Variants in SPATA1 observed in about 807,000 individuals in gnomAD.
The protein encoded by SPATA1 is spermatogenesis-associated protein 1.
Under a neutral mutation model 59.6 loss-of-function variants are expected in SPATA1, and 57 were observed. That is an observed-to-expected ratio of 0.96 (90% CI 0.77 to 1.19). The LOEUF (loss-of-function observed/expected upper bound fraction) is 1.19. SPATA1 is among the 50% of genes most tolerant of loss of function. The pLI, the probability that SPATA1 is intolerant of heterozygous loss-of-function variation, is 0.00. For synonymous variants in SPATA1, 147 were observed against 163.9 expected (o/e 0.90, Z 0.79); for missense variants, 448 against 480.7 (o/e 0.93, Z 0.64).
At chr1:84,531,778 C>T (rs1245278763) in intron 6 of SPATA1, among the ~76,000 whole-genome samples, 2 of 151,710 alleles carry the variant, frequency 1.3e-5, no homozygotes, top group African/African-American at 4.8e-5. Flanking sequence ...CCAGGCTGGT[C>T]TTGAACTACT....
chr1:84,555,183 A>C (rs1202775782), downstream of SPATA1: 1 of 1,613,166 alleles, frequency 6.2e-7, no homozygotes, highest in African/African-American at 1.3e-5. Context: ...TACTTGATGA[A>C]AGTGGCCAGC....
chr1:84,564,906 G>A (rs1684663385), intron 4 of SPATA1, among the ~76,000 whole-genome samples: 1 of 151,972 alleles, frequency 6.6e-6, no homozygotes, highest in Non-Finnish European at 1.5e-5. Flanking sequence ...GGGCATGGTG[G>A]TGCATGCCTG....
intron 10 of SPATA1, among the ~76,000 whole-genome samples, chr1:84,545,967 A>G (rs1558611049): frequency 6.6e-6 from 1 of 152,214 alleles, no homozygotes; most frequent in Admixed American, 6.5e-5. Context: ...AGGGTTTAAA[A>G]TTAAAACTCA....
At chr1:84,522,961 A>G (rs1337803069) in intron 4 of SPATA1, among the ~76,000 whole-genome samples, 1 of 149,608 alleles carries the variant, frequency 6.7e-6, no homozygotes, top group Non-Finnish European at 1.5e-5. Context: ...CCCTGGCTAG[A>G]GTGCTGTAGT....
At chr1:84,561,984 T>C (rs1684604625) in intron 4 of SPATA1, among the ~76,000 whole-genome samples, 1 of 152,236 alleles carries the variant, frequency 6.6e-6, no homozygotes, top group Non-Finnish European at 1.5e-5. Context: ...GACTCTGCAA[T>C]ATCTCTAAGG....
intron 1 of SPATA1, among the ~76,000 whole-genome samples, chr1:84,514,243 C>T (rs954822655): frequency 1.3e-5 from 2 of 152,084 alleles, no homozygotes; most frequent in African/African-American, 4.8e-5. Context: ...TACATCAGAA[C>T]ATTTTGTTTG....
intron 8 of SPATA1, among the ~76,000 whole-genome samples, chr1:84,536,483 G>A (rs1258989998): frequency 6.6e-6 from 1 of 152,130 alleles, no homozygotes; most frequent in African/African-American, 2.4e-5. Context: ...TCGCTCTGTC[G>A]CCCAGGCTGG....
chr1:84,538,603 T>C (rs1413131790), intron 8 of SPATA1, among the ~76,000 whole-genome samples: 1 of 152,190 alleles, frequency 6.6e-6, no homozygotes, highest in Non-Finnish European at 1.5e-5. Flanking sequence ...CTATTGAGAA[T>C]GAAACAAAGC....
At chr1:84,509,872 G>A (rs896150518) in intron 1 of SPATA1, among the ~76,000 whole-genome samples, 6 of 151,810 alleles carry the variant, frequency 4.0e-5, no homozygotes, top group African/African-American at 7.3e-5. Context: ...AAAAATGAAC[G>A]AATGGGATTA....
chr1:84,522,369 G>A, intron 3 of SPATA1, 21 bp from the exon 4 acceptor site: 1 of 1,317,458 alleles, frequency 7.6e-7, no homozygotes, highest in Non-Finnish European at 1.0e-6. Context: ...TATATTATAA[G>A]GCAATTTTAT....
intron 10 of SPATA1, among the ~76,000 whole-genome samples, chr1:84,547,050 A>C (rs1472098285): frequency 6.6e-6 from 1 of 152,222 alleles, no homozygotes; most frequent in Non-Finnish European, 1.5e-5. Flanking sequence ...TTACAGCAAA[A>C]TTGTTTCAGC....
At chr1:84,554,075 G>GA (rs1684355812) in exon 13 of SPATA1, 1 of 152,012 alleles carries the variant, frequency 6.6e-6, no homozygotes, top group Non-Finnish European at 1.5e-5. Context: ...CCAGGAGTTG[G>GA]AGACCCATCT....
chr1:84,540,514 CCTTTT>C (rs1683864180), intron 8 of SPATA1, among the ~76,000 whole-genome samples: 1 of 152,032 alleles, frequency 6.6e-6, no homozygotes, highest in African/African-American at 2.4e-5. Flanking sequence ...TTTTTCCCTC[CCTTTT>C]CTTGTCGTTT....
chr1:84,535,290 A>AT (rs947281896), intron 8 of SPATA1, among the ~76,000 whole-genome samples: 2 of 151,480 alleles, frequency 1.3e-5, no homozygotes, highest in Admixed American at 6.6e-5. Context: ...TTCCAAGTCA[A>AT]TTTTTTTTCA....
chr1:84,565,864 G>A, exon 5 of SPATA1: 1 of 1,566,846 alleles, frequency 6.4e-7, no homozygotes, highest in Middle Eastern at 1.7e-4. Context: ...ATTATAGGGA[G>A]CATTGGCTGC....
downstream of SPATA1, among the ~76,000 whole-genome samples, chr1:84,556,787 T>C (rs1206389194): frequency 6.6e-6 from 1 of 150,794 alleles, no homozygotes; most frequent in Non-Finnish European, 1.5e-5. Context: ...CATATTTAAA[T>C]ATGGTAGACT....
chr1:84,566,091 T>G, exon 5 of SPATA1: 1 of 843,840 alleles, frequency 1.2e-6, no homozygotes. Flanking sequence ...TTATATATAT[T>G]TTTTACCTTA....
At chr1:84,507,555 G>A (rs1682324705) in intron 1 of SPATA1, among the ~76,000 whole-genome samples, 1 of 152,212 alleles carries the variant, frequency 6.6e-6, no homozygotes, top group Non-Finnish European at 1.5e-5. Context: ...AAAAGAATGT[G>A]AAAGCTATCT....
chr1:84,534,811 T>C (rs1482015397), intron 8 of SPATA1, among the ~76,000 whole-genome samples: 3 of 152,124 alleles, frequency 2.0e-5, no homozygotes, highest in Non-Finnish European at 4.4e-5. Context: ...ATGTCTTTCA[T>C]ACCCATTGGA....
Sources: gnomAD v4.1 joint callset for allele counts (sites outside exome capture counted in the v4.1 genomes callset) on GRCh38, gnomAD v4.1.1 for gene constraint, MANE v1.5 for transcripts, NCBI Gene and HGNC (gene_info 2026-07-23, HGNC 2026-07-21) for gene names.